The following RARB variants were observed in gnomAD, a reference collection of about 807,000 sequenced individuals.
RARB encodes the protein HBV-activated protein.
In RARB, 17 loss-of-function variants were observed where a neutral mutation model predicts 51.9. The observed-to-expected ratio is 0.33, with a 90% CI of 0.22 to 0.49. The LOEUF is 0.49. Among genes scored for constraint, RARB ranks in the 20% least tolerant of loss-of-function variants. The pLI is 0.99. For missense variants in RARB, 369 were observed against 550.8 expected (o/e 0.67, Z 3.30); for synonymous variants, 215 against 195.4 (o/e 1.10, Z -0.84).
At chr3:25,135,235 A>G (rs544188788) in intron 4 of RARB, among the ~76,000 whole-genome samples, 3 of 152,106 alleles carry the variant, frequency 2.0e-5, no homozygotes, top group African/African-American at 4.8e-5. Context: ...TAAGGAACTG[A>G]TTTTTAAATT....
chr3:25,245,347 T>A (rs1702533093), intron 5 of RARB, among the ~76,000 whole-genome samples: 1 of 152,238 alleles, frequency 6.6e-6, no homozygotes, highest in African/African-American at 2.4e-5. Flanking sequence ...CCTGTCATTA[T>A]GATGCTATCT....
intron 4 of RARB, among the ~76,000 whole-genome samples, chr3:25,144,377 T>C (rs531004401): frequency 2.7e-4 from 41 of 152,074 alleles, no homozygotes; most frequent in Admixed American, 2.4e-3. Flanking sequence ...AAAAACAGTT[T>C]TGAGGAGGTT....
At chr3:24,994,642 G>A (rs765111995) in intron 2 of RARB, among the ~76,000 whole-genome samples, 1 of 151,948 alleles carries the variant, frequency 6.6e-6, no homozygotes, top group Non-Finnish European at 1.5e-5. Context: ...CCACATGTAG[G>A]TATTTGGTCT....
intron 2 of RARB, among the ~76,000 whole-genome samples, chr3:24,870,313 T>C (rs550389463): frequency 2.6e-5 from 4 of 152,132 alleles, no homozygotes; most frequent in Non-Finnish European, 5.9e-5. Flanking sequence ...TCATTTGGAA[T>C]TGATGTCTGT....
At chr3:25,025,137 G>A (rs1237174470) in intron 2 of RARB, 3 of 152,064 alleles carry the variant, frequency 2.0e-5, no homozygotes, top group Non-Finnish European at 2.9e-5. Context: ...AAAGTTGTAA[G>A]CATTCTTATG....
chr3:25,030,842 G>C (rs973608380), intron 2 of RARB, among the ~76,000 whole-genome samples: 3 of 152,166 alleles, frequency 2.0e-5, no homozygotes, highest in Non-Finnish European at 4.4e-5. Context: ...CTCTTTTCTA[G>C]TTTGTCCTCA....
intron 2 of RARB, among the ~76,000 whole-genome samples, chr3:24,920,516 T>TAAA (rs773682427): frequency 1.4e-4 from 22 of 152,216 alleles, no homozygotes; most frequent in Admixed American, 7.2e-4. Context: ...GAAGTTAGGT[T>TAAA]AAAATTGGGA....
In RARB at chr3:25,331,326, T is replaced by C. The variant is rs1170681508; in HGVS notation, c.179-129867T>C. Among the ~76,000 whole-genome samples, 3 of 152,188 alleles carry C rather than the reference T, an allele frequency of 2.0e-5. No individual in the cohort carries two copies. The East Asian group carries it at 5.8e-4, about 29-fold the overall frequency. The stretch of plus-strand genomic sequence containing the variant: ...AGAACAGAAATTATAACAGACTGTC[T>C]CTCAGACCACAGTGCAATCAAACTA... On this transcript the variant is annotated intron_variant, in intron 5 of 11. Transcript: ENST00000383772.
chr3:25,376,895 C>G (rs887582879), intron 5 of RARB, among the ~76,000 whole-genome samples: 3 of 152,214 alleles, frequency 2.0e-5, no homozygotes, highest in Non-Finnish European at 4.4e-5. Context: ...TTCTAACCCC[C>G]TATGTCTCCT....
chr3:25,440,395 C>T (rs553290046), intron 1 of RARB, among the ~76,000 whole-genome samples: 4 of 151,184 alleles, frequency 2.6e-5, no homozygotes, highest in East Asian at 1.9e-4. Flanking sequence ...TGCAGTGAGC[C>T]GGGATTGCAC....
chr3:24,921,019 C>T (rs1203455143), intron 2 of RARB, among the ~76,000 whole-genome samples: 1 of 152,148 alleles, frequency 6.6e-6, no homozygotes, highest in Non-Finnish European at 1.5e-5. Flanking sequence ...TCAAGGCTTA[C>T]TGGTGCAGAG....
chr3:25,208,553 G>T (rs946277314), intron 5 of RARB, among the ~76,000 whole-genome samples: 1 of 151,854 alleles, frequency 6.6e-6, no homozygotes, highest in Non-Finnish European at 1.5e-5. Flanking sequence ...CTAAATATCA[G>T]TGCCATTCTG....
chr3:25,356,659 C>G (rs1705746474), intron 5 of RARB, among the ~76,000 whole-genome samples: 1 of 152,046 alleles, frequency 6.6e-6, no homozygotes, highest in Non-Finnish European at 1.5e-5. Flanking sequence ...TGCTGTCACT[C>G]CCCTTGCCCC....
intron 3 of RARB, among the ~76,000 whole-genome samples, chr3:25,082,999 C>G (rs553408851): frequency 1.7e-3 from 256 of 151,966 alleles, no homozygotes; most frequent in African/African-American, 6.1e-3. Flanking sequence ...TCTTATATTG[C>G]CTTCTTGCCT....
chr3:25,222,930 A>C (rs894691388), intron 5 of RARB, among the ~76,000 whole-genome samples: 1 of 152,226 alleles, frequency 6.6e-6, no homozygotes, highest in African/African-American at 2.4e-5. Context: ...AACTTACCAG[A>C]ATGAATAGGA....
At chr3:25,024,273 G>A (rs1012285257) in intron 2 of RARB, among the ~76,000 whole-genome samples, 8 of 152,038 alleles carry the variant, frequency 5.3e-5, no homozygotes, top group African/African-American at 1.2e-4. Context: ...TAGTAGGTGC[G>A]GCCAAAATAC....
chr3:24,979,593 G>GT (rs1193880743), intron 2 of RARB, among the ~76,000 whole-genome samples: 9 of 150,776 alleles, frequency 6.0e-5, no homozygotes, highest in African/African-American at 2.2e-4. Flanking sequence ...TTTGTTTTTT[G>GT]TTTTTTGTTT....
chr3:25,042,302 C>T (rs1367964906), intron 2 of RARB, among the ~76,000 whole-genome samples: 4 of 152,156 alleles, frequency 2.6e-5, no homozygotes. Context: ...TATGAAAGCA[C>T]AGTGTTTATT....
chr3:24,896,937 A>G (rs575573507), intron 2 of RARB, among the ~76,000 whole-genome samples: 1 of 152,280 alleles, frequency 6.6e-6, no homozygotes, highest in Admixed American at 6.5e-5. Flanking sequence ...TTCACATTCA[A>G]CCACTGGCCA....
Sources: gnomAD v4.1 joint callset for allele counts (sites outside exome capture counted in the v4.1 genomes callset) on GRCh38, gnomAD v4.1.1 for gene constraint, MANE v1.5 for transcripts, NCBI Gene and HGNC (gene_info 2026-07-23, HGNC 2026-07-21) for gene names.